The following ANGPT1 variants were observed in gnomAD, a reference collection of about 807,000 sequenced individuals.
The protein encoded by ANGPT1 is angiopoietin-1.
A neutral mutation model predicts 62.2 loss-of-function variants in ANGPT1; 17 were observed. The ratio of observed to expected loss-of-function variants is 0.27; its 90% CI spans 0.19 to 0.41. The LOEUF is 0.41. Among genes scored for constraint, ANGPT1 ranks in the 10% least tolerant of loss-of-function variants. The pLI, the probability that ANGPT1 is intolerant of heterozygous loss-of-function variation, is 1.00. For synonymous variants in ANGPT1, 199 were observed against 198.9 expected, an observed-to-expected ratio of 1.00 and a Z score of 0.00; for missense variants, 478 against 594.9, an observed-to-expected ratio of 0.80 and a Z score of 2.04.
chr8:107,334,763 A>G (rs768720124), intron 3 of ANGPT1, among the ~76,000 whole-genome samples: 5 of 152,234 alleles, frequency 3.3e-5, no homozygotes, highest in Non-Finnish European at 5.9e-5. Context: ...AAGCATACCT[A>G]TTACATACAT....
intron 1 of ANGPT1, among the ~76,000 whole-genome samples, chr8:107,387,187 G>A (rs888351472): frequency 2.6e-5 from 4 of 152,084 alleles, no homozygotes; most frequent in Non-Finnish European, 4.4e-5. Context: ...AAACAAAGTG[G>A]TAGAAGACAG....
chr8:107,382,644 A>G (rs966326938), intron 1 of ANGPT1, among the ~76,000 whole-genome samples: 5 of 124,328 alleles, frequency 4.0e-5, no homozygotes, highest in East Asian at 2.0e-4. Context: ...CAGAGCTGGG[A>G]AAAAAAAATG....
At chr8:107,460,896 G>A (rs578114982) in intron 1 of ANGPT1, among the ~76,000 whole-genome samples, 2 of 152,054 alleles carry the variant, frequency 1.3e-5, no homozygotes, top group African/African-American at 2.4e-5. Flanking sequence ...ATTTATCTTC[G>A]ACCTTTTGTT....
At chr8:107,429,596 A>G (rs1171967125) in intron 1 of ANGPT1, among the ~76,000 whole-genome samples, 1 of 149,832 alleles carries the variant, frequency 6.7e-6, no homozygotes, top group Non-Finnish European at 1.5e-5. Context: ...TTTTCTCCAG[A>G]GCCAATAGGA....
At chr8:107,426,846 C>T (rs766094713) in intron 1 of ANGPT1, among the ~76,000 whole-genome samples, 6 of 152,192 alleles carry the variant, frequency 3.9e-5, no homozygotes, top group Non-Finnish European at 7.3e-5. Context: ...AGAGGAATAA[C>T]AAACACTACT....
intron 7 of ANGPT1, among the ~76,000 whole-genome samples, chr8:107,270,551 T>C (rs951752694): frequency 6.6e-6 from 1 of 151,890 alleles, no homozygotes; most frequent in African/African-American, 2.4e-5. Context: ...ATATTCAACC[T>C]CTCCAATCCT....
intron 6 of ANGPT1, among the ~76,000 whole-genome samples, chr8:107,293,187 G>C (rs1164629109): frequency 7.4e-6 from 1 of 135,372 alleles, no homozygotes; most frequent in Non-Finnish European, 1.6e-5. Context: ...CATTAAAAAA[G>C]AGAAGAACTG....
chr8:107,315,123 T>A (rs1296511890), intron 4 of ANGPT1, among the ~76,000 whole-genome samples: 1 of 152,092 alleles, frequency 6.6e-6, no homozygotes, highest in Non-Finnish European at 1.5e-5. Context: ...GATCAAATGT[T>A]CCATACCACT....
At chr8:107,479,665 A>G (rs78704384) in intron 1 of ANGPT1, among the ~76,000 whole-genome samples, 4,262 of 152,308 alleles carry the variant, frequency 0.028, 64 homozygotes, top group Middle Eastern at 0.068. Context: ...AGTAGCATAG[A>G]GTTATAAAAT....
rs577185960 is a variant in ANGPT1, at chr8:107,252,121, T to C, written c.1337-106A>G. ...TAAATGATGGGAAACTTGCTTGTTCTTGTTATGCTTATTTGCAATTACGAG... is the reference window on the plus strand; with the variant it reads ...TAAATGATGGGAAACTTGCTTGTTCCTGTTATGCTTATTTGCAATTACGAG... On this transcript the variant is annotated intron_variant, in intron 8 of 8. Coordinates refer to ENST00000517746, the MANE Select transcript of ANGPT1 (RefSeq NM_001146.5). The C allele has an allele frequency of 1.2e-4, 141 of 1,207,262 alleles. No individual in the cohort carries two copies. In the African/African-American group the frequency reaches 1.9e-3, roughly 16 times the overall value. The allele number at this position is 1,207,262 out of a possible 1,614,324, so 74.8% of individuals were successfully genotyped here. A position where few individuals can be genotyped will look rare whatever the true frequency, so the allele number is the denominator to read the frequency against.
chr8:107,454,521 G>C (rs1282100106), intron 1 of ANGPT1, among the ~76,000 whole-genome samples: 1 of 152,040 alleles, frequency 6.6e-6, no homozygotes, highest in East Asian at 1.9e-4. Context: ...CATTAGAGTA[G>C]TGTTATCTAT....
chr8:107,439,082 T>C (rs915400808), intron 1 of ANGPT1, among the ~76,000 whole-genome samples: 1 of 152,184 alleles, frequency 6.6e-6, no homozygotes, highest in Admixed American at 6.5e-5. Context: ...GAACATCACT[T>C]GCTTATGAGA....
At chr8:107,360,331 G>T (rs1413859661) in intron 1 of ANGPT1, among the ~76,000 whole-genome samples, 1 of 152,080 alleles carries the variant, frequency 6.6e-6, no homozygotes, top group South Asian at 2.1e-4. Flanking sequence ...AAATAGGTAT[G>T]GTTACCATCT....
At chr8:107,258,442 A>G (rs1365399155) in intron 8 of ANGPT1, among the ~76,000 whole-genome samples, 1 of 152,214 alleles carries the variant, frequency 6.6e-6, no homozygotes, top group Non-Finnish European at 1.5e-5. Context: ...AAAGAGCTCA[A>G]TAAGTTTTTA....
At chr8:107,255,425 C>T (rs929311233) in intron 8 of ANGPT1, among the ~76,000 whole-genome samples, 14 of 152,128 alleles carry the variant, frequency 9.2e-5, no homozygotes, top group African/African-American at 3.4e-4. Context: ...GTTTTTATTA[C>T]ACCTTTAGAC....
intron 1 of ANGPT1, among the ~76,000 whole-genome samples, chr8:107,404,045 AT>A (rs1441046089): frequency 1.3e-5 from 2 of 152,116 alleles, no homozygotes; most frequent in Admixed American, 1.3e-4. Flanking sequence ...TGCTCTATGG[AT>A]TTCTCCTCCT....
chr8:107,322,195 A>G (rs1815170600), intron 3 of ANGPT1, 67 bp from the exon 4 acceptor site: 2 of 1,130,136 alleles, frequency 1.8e-6, no homozygotes, highest in Non-Finnish European at 2.5e-6. Context: ...TTATAATTCA[A>G]TTGGTTCCTG....
rs143448023 is a variant in ANGPT1, at chr8:107,307,566, T to C, written c.809-4199A>G. Among the ~76,000 whole-genome samples the C allele has an allele frequency of 1.1e-3, 168 of 152,254 alleles. 1 individual carries two copies. Among genetic ancestry groups the C allele is most frequent in the African/African-American group, 3.8e-3 (158 of 41,560 alleles). The stretch of plus-strand genomic sequence containing the variant: ...CTACCCTATAGAAGTTGTCTTTGCC[T>C]ATCTTTCCCCTCGCGTTTTTTGTTG... On this transcript the variant is annotated intron_variant, in intron 4 of 8. Coordinates refer to ENST00000517746, the MANE Select transcript of ANGPT1 (RefSeq NM_001146.5).
chr8:107,446,782 C>T (rs1290741022), intron 1 of ANGPT1, among the ~76,000 whole-genome samples: 1 of 152,158 alleles, frequency 6.6e-6, no homozygotes, highest in African/African-American at 2.4e-5. Context: ...ATTTAAATAT[C>T]TTCTATATGC....
Sources: gnomAD v4.1 joint callset for allele counts (sites outside exome capture counted in the v4.1 genomes callset) on GRCh38, gnomAD v4.1.1 for gene constraint, MANE v1.5 for transcripts, NCBI Gene and HGNC (gene_info 2026-07-23, HGNC 2026-07-21) for gene names.